The following MYOZ3 variants were observed in gnomAD, a reference collection of about 807,000 sequenced individuals.
The protein encoded by MYOZ3 is myozenin 3.
A neutral mutation model predicts 26.5 loss-of-function variants in MYOZ3; 19 were observed. The observed-to-expected ratio is 0.72, with a 90% CI of 0.50 to 1.05. The LOEUF (loss-of-function observed/expected upper bound fraction) is 1.05. Among genes scored for constraint, MYOZ3 ranks in the 50% least tolerant of loss-of-function variants. MYOZ3 has a pLI of 0.00. For missense variants in MYOZ3, 322 were observed against 337.1 expected (o/e 0.96, Z 0.35); for synonymous variants, 135 against 138.8 (o/e 0.97, Z 0.19).
chr5:150,667,441 T>A (rs1432510111), intron 2 of MYOZ3, among the ~76,000 whole-genome samples: 1 of 152,128 alleles, frequency 6.6e-6, no homozygotes, highest in Non-Finnish European at 1.5e-5. Context: ...GTGTTTGTGG[T>A]TTTCCTTTCT....
In MYOZ3 at chr5:150,662,984, G is replaced by C. The variant is rs140848028; in HGVS notation, c.43G>C (p.Gly15Arg). 5 of 1,611,904 alleles carry C rather than the reference G, an allele frequency of 3.1e-6. No homozygotes were observed. The highest frequency in any genetic ancestry group is 4.2e-6 in the Non-Finnish European group (5 of 1,179,098). Residue 15 changes from glycine (G) to arginine (R), a missense_variant, in exon 2 of 7, where the codon GGG becomes CGG. Transcript: ENST00000517768. ...GAAGGGGCCAGTGATGGCTGCCATG[G>C]GGGACCTCACTGAACCAGGTAAGGT... is the stretch of plus-strand genomic sequence containing the variant. The part of the protein sequence containing the change: ...EQKGPVMAAM[G>R]DLTEPVPTLD...
intron 2 of MYOZ3, among the ~76,000 whole-genome samples, chr5:150,667,128 A>T (rs980080872): frequency 6.6e-6 from 1 of 152,188 alleles, no homozygotes; most frequent in Non-Finnish European, 1.5e-5. Flanking sequence ...AAGAATAAAA[A>T]AAAATCAGTG....
chr5:150,675,134 G>A (rs956466027), intron 6 of MYOZ3, among the ~76,000 whole-genome samples: 1 of 152,182 alleles, frequency 6.6e-6, no homozygotes, highest in African/African-American at 2.4e-5. Flanking sequence ...AATCCCAGTT[G>A]CCTTCCCAAA....
At chr5:150,670,437 G>A in intron 2 of MYOZ3, 47 bp from the exon 3 acceptor site, 2 of 1,561,082 alleles carry the variant, frequency 1.3e-6, no homozygotes, top group Non-Finnish European at 1.7e-6. Flanking sequence ...GGCCTGGAGT[G>A]TATGGGGGAT....
chr5:150,667,694 C>T (rs1304696978), intron 2 of MYOZ3, among the ~76,000 whole-genome samples: 2 of 152,158 alleles, frequency 1.3e-5, no homozygotes, highest in Non-Finnish European at 2.9e-5. Flanking sequence ...CCTTTAAAGC[C>T]CAACTCTTCC....
At chr5:150,676,543 C>CAAAAAAAAAA (rs749959393) in intron 6 of MYOZ3, among the ~76,000 whole-genome samples, 164 bp from the exon 7 acceptor site, 9 of 57,970 alleles carry the variant, frequency 1.6e-4, no homozygotes, top group East Asian at 5.6e-4. Flanking sequence ...GACTCTGTCT[C>CAAAAAAAAAA]AAAAAAAAAA....
intron 2 of MYOZ3, among the ~76,000 whole-genome samples, chr5:150,666,044 A>AAG (rs1758804272): frequency 6.6e-6 from 1 of 151,794 alleles, no homozygotes; most frequent in African/African-American, 2.4e-5. Flanking sequence ...AAAAAAAAAA[A>AAG]AAAAAAAAGA....
chr5:150,672,807 C>T (rs1329718692), intron 6 of MYOZ3: 1 of 346,966 alleles, frequency 2.9e-6, no homozygotes, highest in Non-Finnish European at 5.2e-6. Flanking sequence ...ATATGAACAA[C>T]CCGGCCAAAG....
intron 2 of MYOZ3, among the ~76,000 whole-genome samples, chr5:150,665,158 G>A (rs1215343531): frequency 1.3e-5 from 2 of 152,122 alleles, no homozygotes; most frequent in African/African-American, 2.4e-5. Flanking sequence ...TCTGGGGTGA[G>A]ATCCTTCGGG....
chr5:150,661,933 C>T (rs1028131616), intron 1 of MYOZ3, among the ~76,000 whole-genome samples: 15 of 152,280 alleles, frequency 9.9e-5, no homozygotes, highest in Admixed American at 9.8e-4. Context: ...TGTGATTTAG[C>T]CTAACCCCCT....
intron 5 of MYOZ3, 35 bp downstream of exon 5, chr5:150,671,943 G>A: frequency 6.7e-7 from 1 of 1,488,480 alleles, no homozygotes; most frequent in South Asian, 1.3e-5. Context: ...GACCAGGGCT[G>A]GGGGGCCTGA....
chr5:150,668,050 T>G (rs1758835692), intron 2 of MYOZ3, among the ~76,000 whole-genome samples: 1 of 152,242 alleles, frequency 6.6e-6, no homozygotes, highest in Non-Finnish European at 1.5e-5. Context: ...TTTATTTGGT[T>G]GCTATGGCTC....
Position 150,676,697 on chromosome 5 carries a change from C to CT in MYOZ3, c.588-7dup. On this transcript the variant is annotated splice_polypyrimidine_tract_variant and intron_variant, in intron 6 of 6. Coordinates refer to ENST00000517768, the MANE Select transcript of MYOZ3 (RefSeq NM_001122853.3). ...CACAGCCCACCTCTCCTGCTGCTCTCTTTCTCCAGGACCCCGGTGCCATTT... is the reference window on the plus strand; with the variant it reads ...CACAGCCCACCTCTCCTGCTGCTCTCTTTTCTCCAGGACCCCGGTGCCATTT... The CT allele has an allele frequency of 6.2e-7, 1 of 1,612,714 alleles. No homozygotes were observed. The highest frequency in any genetic ancestry group is 8.5e-7 in the Non-Finnish European group (1 of 1,179,196).
intron 2 of MYOZ3, chr5:150,670,275 A>C: frequency 2.1e-6 from 1 of 478,694 alleles, no homozygotes; most frequent in South Asian, 4.3e-5. Flanking sequence ...GCTAAACTTC[A>C]CTGAGCAACA....
In MYOZ3 at chr5:150,667,285, T is replaced by G. The variant is rs373062675; in HGVS notation, c.62-3199T>G. Among the ~76,000 whole-genome samples the G allele has an allele frequency of 1.2e-4, 18 of 152,310 alleles. 1 individual carries two copies. The East Asian group carries it at 2.9e-3, about 24-fold the overall frequency. ...CTCTTAATGACTTTGGCAACCCCTCTTCTCAAACCTCCAATACCTCCTTGC... is the reference window on the plus strand; with the variant it reads ...CTCTTAATGACTTTGGCAACCCCTCGTCTCAAACCTCCAATACCTCCTTGC... On this transcript the variant is annotated intron_variant, in intron 2 of 6. Transcript: ENST00000517768.
chr5:150,666,110 CT>C (rs1758805276), intron 2 of MYOZ3, among the ~76,000 whole-genome samples: 1 of 150,334 alleles, frequency 6.7e-6, no homozygotes, highest in African/African-American at 2.4e-5. Flanking sequence ...ACTGAGGGTG[CT>C]TTATTATGTA....
At position 150,672,437 on chromosome 5, in the gene MYOZ3, C is replaced by T; in HGVS notation, c.522C>T (p.Tyr174=). The T allele has an allele frequency of 6.2e-7, 1 of 1,612,670 alleles. No homozygotes were observed. Among genetic ancestry groups the T allele is most frequent in the South Asian group, 1.1e-5 (1 of 90,868 alleles). The change falls in exon 6 of 7, where the codon TAC becomes TAT. Residue 174 remains tyrosine, a synonymous_variant. Coordinates refer to ENST00000517768, the MANE Select transcript of MYOZ3 (RefSeq NM_001122853.3). ...YRCPWQEFVS[Y]RDYQSDGRSH... ...GCCCTTGGCAGGAGTTCGTCAGCTACCGGGACTACCAGAGCGATGGCCGAA... is the reference window on the plus strand; with the variant it reads ...GCCCTTGGCAGGAGTTCGTCAGCTATCGGGACTACCAGAGCGATGGCCGAA...
chr5:150,666,367 A>G (rs1003013786), intron 2 of MYOZ3, among the ~76,000 whole-genome samples: 2 of 151,758 alleles, frequency 1.3e-5, no homozygotes, highest in African/African-American at 4.8e-5. Flanking sequence ...TAATCCCAAC[A>G]CTTTGGGAGG....
intron 2 of MYOZ3, among the ~76,000 whole-genome samples, chr5:150,666,205 A>G (rs1162515208): frequency 6.6e-6 from 1 of 152,154 alleles, no homozygotes; most frequent in African/African-American, 2.4e-5. Context: ...AGTGTAAACA[A>G]TTTCCAACCC....
Sources: allele counts gnomAD v4.1 joint callset (sites outside exome capture counted in the v4.1 genomes callset), GRCh38; gene constraint gnomAD v4.1.1; transcripts MANE v1.5; gene names NCBI Gene and HGNC (gene_info 2026-07-23, HGNC 2026-07-21).